GPR160: variants seen among roughly 807,000 people sequenced by gnomAD.
GPR160 encodes probable G protein-coupled receptor 160.
In GPR160, 2 loss-of-function variants were observed where a neutral mutation model predicts 2.6. That is an observed-to-expected ratio of 0.77 (90% CI 0.32 to 2.44). GPR160 has a LOEUF of 2.44. Ranked by LOEUF, GPR160 falls within the 30% of genes most tolerant of loss-of-function variation. The pLI is 0.11. For missense variants in GPR160, 351 were observed against 383.6 expected (o/e 0.91, Z 0.71); for synonymous variants, 130 against 132.2 (o/e 0.98, Z 0.12).
At position 170,079,914 on chromosome 3, in the gene GPR160, TTAA is replaced by T. The variant is rs1713040792; in HGVS notation, c.-69+22_-69+24del. The T allele has an allele frequency of 6.6e-6, 1 of 152,302 alleles. No homozygotes were observed. Among genetic ancestry groups the T allele is most frequent in the South Asian group, 2.1e-4 (1 of 4,824 alleles). 9.4% of individuals were successfully genotyped at this position (152,302 alleles called of 1,614,324 possible). A position where few individuals can be genotyped will look rare whatever the true frequency, so the allele number is the denominator to read the frequency against. ...CACTGGAGAGTAAGTATGCAAGTTG[TTAA>T]TAATTAATTGGGTTACAAAGGGAAA... On this transcript the variant is annotated intron_variant, in intron 3 of 3. Coordinates refer to ENST00000355897, the MANE Select transcript of GPR160 (RefSeq NM_014373.3).
At position 170,084,828 on chromosome 3, in the gene GPR160, T is replaced by C. The variant is rs139558562; in HGVS notation, c.856T>C (p.Phe286Leu). The change falls in exon 4 of 4, where the codon TTT becomes CTT. Residue 286 changes from phenylalanine to leucine, a missense_variant. Physicochemically the swap from Phe to Leu is conservative, Grantham distance 22. Coordinates refer to ENST00000355897, the MANE Select transcript of GPR160 (RefSeq NM_014373.3). ...TCCCTGGTTATACTTTGTCAATAGTTTTCTCATTGCTACAGTGTATTGGTT... is the reference window on the plus strand; with the variant it reads ...TCCCTGGTTATACTTTGTCAATAGTCTTCTCATTGCTACAGTGTATTGGTT... ...NIPWLYFVNS[F>L]LIATVYWFNC... The C allele has an allele frequency of 3.7e-6, 6 of 1,609,972 alleles. No individual in the cohort carries two copies. The highest frequency in any genetic ancestry group is 1.1e-5 in the South Asian group (1 of 90,824).
At chr3:170,043,935 C>T (rs7648495) in intron 2 of GPR160, among the ~76,000 whole-genome samples, 48,422 of 151,450 alleles carry the variant, frequency 0.32, 7,949 homozygotes, top group East Asian at 0.51. Flanking sequence ...CCCCCAGCAA[C>T]CCCTAAAATA....
chr3:170,077,558 T>C (rs1249414568), intron 2 of GPR160: 1 of 152,170 alleles, frequency 6.6e-6, no homozygotes, highest in African/African-American at 2.4e-5. Context: ...CAAGGACGTG[T>C]AGGAGAATTT....
chr3:170,055,669 C>G (rs901776633), intron 2 of GPR160, among the ~76,000 whole-genome samples: 5 of 151,812 alleles, frequency 3.3e-5, no homozygotes, highest in African/African-American at 9.7e-5. Context: ...GAGTCTCGCT[C>G]TGTCCCCCAG....
intron 2 of GPR160, among the ~76,000 whole-genome samples, chr3:170,068,124 A>C (rs960416390): frequency 2.6e-5 from 4 of 152,182 alleles, no homozygotes; most frequent in African/African-American, 7.2e-5. Flanking sequence ...CGTTTCATTT[A>C]TAAGTTGAAA....
chr3:170,083,998 G>T lies in GPR160; in HGVS notation c.26G>T (p.Cys9Phe). The change falls in exon 4 of 4, where the codon TGC (cysteine) becomes TTC (phenylalanine). Residue 9 changes from cysteine (C) to phenylalanine (F), a missense_variant. Physicochemically the swap from Cys to Phe is radical, Grantham distance 205. Transcript: ENST00000355897. ...ATGACTGCTCTCTCTTCAGAGAACT[G>T]CTCTTTTCAGTACCAGTTACGTCAA... MTALSSEN[C>F]SFQYQLRQTN... 1 of 1,523,302 alleles carries T rather than the reference G, an allele frequency of 6.6e-7. No individual in the cohort carries two copies. The highest frequency in any genetic ancestry group is 8.8e-7 in the Non-Finnish European group (1 of 1,142,084). The allele number at this position is 1,523,302 out of a possible 1,614,324, so 94.4% of individuals were successfully genotyped here.
chr3:170,059,495 G>A (rs1157057159), intron 2 of GPR160, among the ~76,000 whole-genome samples: 1 of 152,310 alleles, frequency 6.6e-6, no homozygotes, highest in East Asian at 1.9e-4. Flanking sequence ...TGCTTAATAT[G>A]TATTGTAGTT....
chr3:170,062,746 C>A, intron 2 of GPR160: 1 of 1,073,686 alleles, frequency 9.3e-7, no homozygotes, highest in Non-Finnish European at 1.4e-6. Context: ...GATTTCTACC[C>A]TGTCCCAAGG....
rs1446381687 is a variant in GPR160 at position 170,084,237 on chromosome 3, T to TCTA, written c.265_266insCTA (p.Phe89delinsSerIle). ...GGATTTTGTACTTTTAAGCATTAGG[T>TCTA]TCACTAAATACCACATCTGCCTATT... On this transcript the variant is annotated protein_altering_variant, in exon 4 of 4. Coordinates refer to ENST00000355897, the MANE Select transcript of GPR160 (RefSeq NM_014373.3). The TCTA allele has an allele frequency of 6.2e-7, 1 of 1,607,058 alleles. No homozygotes were observed. Among genetic ancestry groups the TCTA allele is most frequent in the Admixed American group, 1.7e-5 (1 of 59,562 alleles).
Position 170,047,835 on chromosome 3 carries a change from C to CTTTTTT in GPR160, c.-193+8807_-193+8812dup, listed in dbSNP as rs1225615379. ...TTGGATGGAACTGAAGGACATTATT[C>CTTTTTT]TTTTTTTTTTTTTTTTTTTTGAGAT... On this transcript the variant is annotated intron_variant, in intron 2 of 3. Transcript: ENST00000355897. 4.0e-5 allele frequency among the ~76,000 whole-genome samples: 5 copies of CTTTTTT among 125,076 alleles called. No homozygotes were observed. In the South Asian group the frequency reaches 1.0e-3, roughly 25 times the overall value. The allele number at this position is 125,076 out of a possible 152,430, so 82.1% of individuals were successfully genotyped here. A position where few individuals can be genotyped will look rare whatever the true frequency, so the allele number is the denominator to read the frequency against.
chr3:170,059,010 T>TGTACACACACACATGCACAAACAC (rs1457800657), intron 2 of GPR160, among the ~76,000 whole-genome samples: 2 of 144,326 alleles, frequency 1.4e-5, no homozygotes, highest in Non-Finnish European at 3.0e-5. Flanking sequence ...TAACCACACA[T>TGTACACACACACATGCACAAACAC]GTACACACAC....
intron 2 of GPR160, among the ~76,000 whole-genome samples, chr3:170,053,397 T>C (rs1576894086): frequency 6.6e-6 from 1 of 150,656 alleles, no homozygotes; most frequent in East Asian, 1.9e-4. Flanking sequence ...AAATGATATA[T>C]TTTCCTTCAT....
rs1294583653 is a variant in GPR160, at chr3:170,084,328, A to G, written c.356A>G (p.Asp119Gly). ...CCAGTTTTCCTGACAGCTTGTATAGATTATTGCCTGAATTTCTCTAAAACA... is the reference window on the plus strand; with the variant it reads ...CCAGTTTTCCTGACAGCTTGTATAGGTTATTGCCTGAATTTCTCTAAAACA... ...HYPVFLTACIDYCLNFSKTTK... is the reference protein window; with the variant it reads ...HYPVFLTACIGYCLNFSKTTK... The change falls in exon 4 of 4, where the codon GAT becomes GGT. Residue 119 changes from aspartate to glycine, a missense_variant. Transcript: ENST00000355897. 2 of 1,609,158 alleles carry G rather than the reference A, an allele frequency of 1.2e-6. No homozygotes were observed. Among genetic ancestry groups the G allele is most frequent in the Admixed American group, 1.7e-5 (1 of 59,580 alleles).
chr3:170,082,644 G>A (rs1223864213), intron 3 of GPR160, among the ~76,000 whole-genome samples: 1 of 152,076 alleles, frequency 6.6e-6, no homozygotes, highest in Non-Finnish European at 1.5e-5. Context: ...CACCCAGGCT[G>A]GAGTGCAGTG....
chr3:170,082,485 T>G (rs1713182179), intron 3 of GPR160, among the ~76,000 whole-genome samples: 2 of 152,222 alleles, frequency 1.3e-5, no homozygotes, highest in African/African-American at 4.8e-5. Flanking sequence ...ACTGACCTGA[T>G]GCTCAAATGA....
intron 2 of GPR160, among the ~76,000 whole-genome samples, chr3:170,051,132 C>T (rs1009210146): frequency 2.6e-5 from 4 of 152,130 alleles, no homozygotes; most frequent in Admixed American, 6.5e-5. Context: ...AATTGTTAGT[C>T]GTTCTTATTA....
chr3:170,072,291 T>A (rs1712636034), intron 2 of GPR160, among the ~76,000 whole-genome samples: 1 of 152,096 alleles, frequency 6.6e-6, no homozygotes, highest in Non-Finnish European at 1.5e-5. Context: ...GCCAGGCTTG[T>A]CTTGAACTCC....
intron 2 of GPR160, among the ~76,000 whole-genome samples, chr3:170,054,986 G>T (rs532942558): frequency 1.3e-5 from 2 of 152,190 alleles, no homozygotes; most frequent in Non-Finnish European, 2.9e-5. Context: ...TAGAGACAGG[G>T]TTTCACCATG....
chr3:170,078,174 T>A (rs1712959694), intron 2 of GPR160, among the ~76,000 whole-genome samples: 2 of 152,144 alleles, frequency 1.3e-5, no homozygotes, highest in Admixed American at 1.3e-4. Context: ...GACCTAGAGC[T>A]CTGGGAGCAA....
Sources: gnomAD v4.1 joint callset for allele counts (sites outside exome capture counted in the v4.1 genomes callset) on GRCh38, gnomAD v4.1.1 for gene constraint, MANE v1.5 for transcripts, NCBI Gene and HGNC (gene_info 2026-07-23, HGNC 2026-07-21) for gene names.